Variants in PTPN12 observed in about 807,000 individuals in gnomAD.
PTPN12 encodes the protein protein tyrosine phosphatase non-receptor type 12.
Under a neutral mutation model 97.6 loss-of-function variants are expected in PTPN12, and 29 were observed. The observed-to-expected ratio is 0.30, with a 90% CI of 0.22 to 0.41. The LOEUF (loss-of-function observed/expected upper bound fraction) is 0.41, where lower values mean the gene tolerates loss of function less well. Among genes scored for constraint, PTPN12 ranks in the 10% least tolerant of loss-of-function variants. The pLI, the probability that PTPN12 is intolerant of heterozygous loss-of-function variation, is 1.00. For synonymous variants in PTPN12, 327 were observed against 300.4 expected (o/e 1.09, Z -0.91); for missense variants, 819 against 926.0 (o/e 0.88, Z 1.50).
chr7:77,537,523 C>T lies in PTPN12; in HGVS notation c.-24C>T, dbSNP rs1699810338. 2 of 1,571,332 alleles carry T rather than the reference C, an allele frequency of 1.3e-6. No homozygotes were observed. The highest frequency in any genetic ancestry group is 3.6e-5 in the Admixed American group (2 of 55,300). ...GGGCGGGCGGCGGGGGGGCCAGCGA[C>T]CGCAGCCGGGGGGACGCGGGAGGAT... is the stretch of plus-strand genomic sequence containing the variant. On this transcript the variant is annotated 5_prime_UTR_variant, in exon 1 of 18. Transcript: ENST00000248594.
At chr7:77,550,010 A>G (rs945118769) in intron 1 of PTPN12, among the ~76,000 whole-genome samples, 7 of 152,178 alleles carry the variant, frequency 4.6e-5, no homozygotes, top group African/African-American at 1.7e-4. Flanking sequence ...TATCCTAACT[A>G]TAGTTCTTTT....
intron 11 of PTPN12, among the ~76,000 whole-genome samples, chr7:77,613,097 T>C: frequency 6.6e-6 from 1 of 151,726 alleles, no homozygotes; most frequent in South Asian, 2.1e-4. Flanking sequence ...TTGTATAATT[T>C]AATCTAAGTT....
At chr7:77,599,184 G>A (rs1470789811) in intron 7 of PTPN12, among the ~76,000 whole-genome samples, 1 of 151,768 alleles carries the variant, frequency 6.6e-6, no homozygotes, top group African/African-American at 2.4e-5. Flanking sequence ...GCAGTAAGCA[G>A]GTTATTGCAT....
intron 1 of PTPN12, among the ~76,000 whole-genome samples, chr7:77,555,869 C>A (rs1807687341): frequency 6.6e-6 from 1 of 150,474 alleles, no homozygotes; most frequent in Non-Finnish European, 1.5e-5. Flanking sequence ...GAGCCGAGAT[C>A]ACACCATTGC....
At chr7:77,552,694 C>T (rs1410874722) in intron 1 of PTPN12, among the ~76,000 whole-genome samples, 1 of 152,048 alleles carries the variant, frequency 6.6e-6, no homozygotes, top group Non-Finnish European at 1.5e-5. Context: ...AAGAAAAGAC[C>T]TGATGGAAGT....
chr7:77,537,808 CGAGA>C (rs1385457548), intron 1 of PTPN12, among the ~76,000 whole-genome samples, 163 bp downstream of exon 1: 1 of 151,990 alleles, frequency 6.6e-6, no homozygotes, highest in East Asian at 1.9e-4. Flanking sequence ...CAGCGGGAGG[CGAGA>C]GCGCCTCCCC....
intron 1 of PTPN12, among the ~76,000 whole-genome samples, chr7:77,560,221 G>A (rs534260095): frequency 6.6e-6 from 1 of 152,184 alleles, no homozygotes; most frequent in Non-Finnish European, 1.5e-5. Context: ...GAATAGGTCA[G>A]AACTTTCTAA....
intron 1 of PTPN12, among the ~76,000 whole-genome samples, chr7:77,568,796 C>G (rs1305712787): frequency 6.6e-6 from 1 of 152,180 alleles, no homozygotes; most frequent in Non-Finnish European, 1.5e-5. Context: ...CCTTTCCCCT[C>G]TGTGTTTCTG....
intron 1 of PTPN12, among the ~76,000 whole-genome samples, chr7:77,550,936 A>T (rs1283984755): frequency 6.8e-6 from 1 of 146,572 alleles, no homozygotes; most frequent in Non-Finnish European, 1.5e-5. Flanking sequence ...CTCTTGGTAG[A>T]TTGCTTTGAT....
chr7:77,538,592 A>G (rs922464084), intron 1 of PTPN12, among the ~76,000 whole-genome samples: 2 of 151,292 alleles, frequency 1.3e-5, no homozygotes, highest in African/African-American at 4.9e-5. Context: ...CAGTCTTGAG[A>G]GGAGGTGAAG....
chr7:77,556,011 A>G (rs1807694541), intron 1 of PTPN12, among the ~76,000 whole-genome samples: 1 of 151,950 alleles, frequency 6.6e-6, no homozygotes, highest in Admixed American at 6.6e-5. Context: ...CATACTGTCT[A>G]CTTTATCTGT....
intron 8 of PTPN12, 116 bp downstream of exon 8, chr7:77,600,922 G>C (rs1331870414): frequency 1.1e-6 from 1 of 920,530 alleles, no homozygotes; most frequent in Admixed American, 3.0e-5. Flanking sequence ...TTGATACAAT[G>C]TTTGGGACTA....
chr7:77,558,234 G>T (rs1193761206), intron 1 of PTPN12, among the ~76,000 whole-genome samples: 1 of 148,674 alleles, frequency 6.7e-6, no homozygotes, highest in Non-Finnish European at 1.5e-5. Flanking sequence ...AAAAGAAAAA[G>T]AAAAAAGAAA....
intron 8 of PTPN12, among the ~76,000 whole-genome samples, chr7:77,601,625 T>C (rs1178285532): frequency 1.3e-5 from 2 of 152,074 alleles, no homozygotes; most frequent in African/African-American, 4.8e-5. Flanking sequence ...TCACTGCCAA[T>C]TATAAGGGGA....
chr7:77,557,342 T>C (rs966449890), intron 1 of PTPN12, among the ~76,000 whole-genome samples: 2 of 152,158 alleles, frequency 1.3e-5, no homozygotes, highest in Non-Finnish European at 2.9e-5. Context: ...TCAGGTTTCT[T>C]ATGGAAGTTT....
At chr7:77,590,893 C>T (rs548261013) in intron 5 of PTPN12, among the ~76,000 whole-genome samples, 33 of 151,400 alleles carry the variant, frequency 2.2e-4, no homozygotes, top group Non-Finnish European at 4.4e-4. Context: ...AAAAATTAGC[C>T]GGTTGTGGTG....
At chr7:77,539,068 G>A (rs6960252) in intron 1 of PTPN12, among the ~76,000 whole-genome samples, 66,616 of 151,966 alleles carry the variant, frequency 0.44, 16,202 homozygotes, top group East Asian at 0.74. Context: ...TTTATTTTTT[G>A]TTTAAAAAGT....
At chr7:77,584,190 A>G (rs908524385) in intron 4 of PTPN12, among the ~76,000 whole-genome samples, 6 of 152,258 alleles carry the variant, frequency 3.9e-5, no homozygotes, top group Non-Finnish European at 5.9e-5. Flanking sequence ...AGTATTCTTG[A>G]AACCTAACCA....
chr7:77,622,061 C>T (rs1194088825), intron 12 of PTPN12, among the ~76,000 whole-genome samples: 1 of 152,134 alleles, frequency 6.6e-6, no homozygotes, highest in East Asian at 1.9e-4. Flanking sequence ...CTCAATTGAA[C>T]CTCCCACCCT....
Sources: allele counts gnomAD v4.1 joint callset (sites outside exome capture counted in the v4.1 genomes callset), GRCh38; gene constraint gnomAD v4.1.1; transcripts MANE v1.5; gene names NCBI Gene and HGNC (gene_info 2026-07-23, HGNC 2026-07-21).